CCSER1: variants seen among roughly 807,000 people sequenced by gnomAD.
CCSER1 encodes the protein serine-rich coiled-coil domain-containing protein 1.
Under a neutral mutation model 82.0 loss-of-function variants are expected in CCSER1, and 41 were observed. That is an observed-to-expected ratio of 0.50 (90% CI 0.39 to 0.65). The LOEUF is 0.65. Among genes scored for constraint, CCSER1 ranks in the 30% least tolerant of loss-of-function variants. The probability of loss-of-function intolerance (pLI) is 0.00; values close to 1 mark genes in which losing one functional copy is unlikely to be tolerated. For missense variants in CCSER1, 1,119 were observed against 1,064.2 expected (o/e 1.05, Z -0.72); for synonymous variants, 414 against 383.9 (o/e 1.08, Z -0.92).
chr4:90,471,466 T>G (rs1183820082), intron 5 of CCSER1, among the ~76,000 whole-genome samples: 2 of 152,148 alleles, frequency 1.3e-5, no homozygotes, highest in African/African-American at 4.8e-5. Context: ...TAAAGCTTCT[T>G]AACCTTAGTT....
At chr4:91,144,272 T>C (rs937921579) in intron 10 of CCSER1, among the ~76,000 whole-genome samples, 6 of 152,050 alleles carry the variant, frequency 3.9e-5, no homozygotes, top group African/African-American at 1.4e-4. Context: ...TAATGGTCTC[T>C]GAGGATCTTT....
At chr4:91,336,658 A>G (rs999469154) in intron 10 of CCSER1, among the ~76,000 whole-genome samples, 1 of 152,116 alleles carries the variant, frequency 6.6e-6, no homozygotes, top group Non-Finnish European at 1.5e-5. Context: ...ACAGTCTTTC[A>G]GTAGTAATTG....
chr4:91,110,535 C>G (rs146362997), intron 10 of CCSER1, among the ~76,000 whole-genome samples: 2 of 152,082 alleles, frequency 1.3e-5, no homozygotes, highest in East Asian at 3.9e-4. Flanking sequence ...GGCCTATTCA[C>G]GGAGAAACTT....
chr4:90,468,408 T>C, intron 5 of CCSER1, 54 bp downstream of exon 5: 1 of 1,474,724 alleles, frequency 6.8e-7, no homozygotes, highest in Non-Finnish European at 9.2e-7. Flanking sequence ...AGATAACTGA[T>C]AAGAAAATGT....
intron 10 of CCSER1, among the ~76,000 whole-genome samples, chr4:91,297,365 TTGTGTGTGTGTGTGTGTGTATGTG>T (rs1228894506): frequency 1.9e-4 from 25 of 128,916 alleles, no homozygotes; most frequent in African/African-American, 6.0e-4. Context: ...GAATGGATGC[TTGTGTGTGTGTGTGTGTGTATGTG>T]TGTGTGTGTG....
chr4:91,431,526 G>A (rs1754317732), intron 10 of CCSER1, among the ~76,000 whole-genome samples: 1 of 152,054 alleles, frequency 6.6e-6, no homozygotes, highest in Non-Finnish European at 1.5e-5. Context: ...GGAGTGCAAT[G>A]GTGCGATCTT....
chr4:90,504,729 G>A (rs1770432668), intron 5 of CCSER1, among the ~76,000 whole-genome samples: 2 of 152,230 alleles, frequency 1.3e-5, no homozygotes, highest in Admixed American at 1.3e-4. Context: ...TAAATTTGTA[G>A]AAATGCTATT....
chr4:90,961,037 C>G lies in CCSER1; in HGVS notation c.2172+37590C>G, dbSNP rs1384686098. Among the ~76,000 whole-genome samples the G allele has an allele frequency of 2.0e-5, 3 of 152,152 alleles. 1 individual carries two copies. Among genetic ancestry groups the G allele is most frequent in the African/African-American group, 7.2e-5 (3 of 41,448 alleles). Reference sequence around the variant, plus strand: ...TATCTTGCATTTACAGCTGTGCTTTCATTCCCAGCCACTAGAGCACCAGAA... The same window carrying G: ...TATCTTGCATTTACAGCTGTGCTTTGATTCCCAGCCACTAGAGCACCAGAA... On this transcript the variant is annotated intron_variant, in intron 9 of 10. Transcript: ENST00000509176.
At chr4:90,263,478 C>A (rs1724699283) in intron 1 of CCSER1, among the ~76,000 whole-genome samples, 1 of 152,142 alleles carries the variant, frequency 6.6e-6, no homozygotes, top group South Asian at 2.1e-4. Context: ...TTTTCAAATG[C>A]TGGTTATAAT....
At chr4:90,153,366 A>G (rs1578210660) in intron 1 of CCSER1, among the ~76,000 whole-genome samples, 1 of 152,260 alleles carries the variant, frequency 6.6e-6, no homozygotes, top group East Asian at 1.9e-4. Flanking sequence ...GTGTCTTTAT[A>G]GCAGCATGAT....
chr4:90,185,567 G>A (rs1404849592), intron 1 of CCSER1, among the ~76,000 whole-genome samples: 1 of 151,978 alleles, frequency 6.6e-6, no homozygotes, highest in African/African-American at 2.4e-5. Flanking sequence ...TGATAATAAA[G>A]TAATAAGGAG....
chr4:90,623,418 C>T (rs540243259), intron 5 of CCSER1, among the ~76,000 whole-genome samples: 1 of 152,112 alleles, frequency 6.6e-6, no homozygotes, highest in Non-Finnish European at 1.5e-5. Flanking sequence ...CATTTCAGCG[C>T]CTGAATGAAG....
intron 8 of CCSER1, among the ~76,000 whole-genome samples, chr4:90,855,678 A>C (rs1764381747): frequency 1.3e-5 from 2 of 152,106 alleles, no homozygotes; most frequent in Admixed American, 1.3e-4. Flanking sequence ...GAGATAAGTG[A>C]TATTTATTAA....
intron 1 of CCSER1, among the ~76,000 whole-genome samples, chr4:90,254,096 GT>G (rs1448356939): frequency 6.6e-6 from 1 of 152,136 alleles, no homozygotes; most frequent in African/African-American, 2.4e-5. Flanking sequence ...CTTGCTTACT[GT>G]TATATTTCTT....
intron 1 of CCSER1, among the ~76,000 whole-genome samples, chr4:90,168,110 A>G (rs971930282): frequency 3.3e-5 from 5 of 152,082 alleles, no homozygotes; most frequent in African/African-American, 7.2e-5. Flanking sequence ...AAGTGTTCCT[A>G]TTTCTCCATA....
intron 1 of CCSER1, among the ~76,000 whole-genome samples, chr4:90,301,151 T>A (rs1373524832): frequency 6.6e-6 from 1 of 152,138 alleles, no homozygotes; most frequent in Non-Finnish European, 1.5e-5. Flanking sequence ...TTTTAAAATG[T>A]CTTAATTATG....
At chr4:90,438,786 A>ATCTATCTG (rs1266534855) in intron 4 of CCSER1, among the ~76,000 whole-genome samples, 2 of 151,990 alleles carry the variant, frequency 1.3e-5, no homozygotes, top group Non-Finnish European at 2.9e-5. Flanking sequence ...CTATCTATCT[A>ATCTATCTG]TCTATCTATC....
intron 3 of CCSER1, among the ~76,000 whole-genome samples, chr4:90,399,104 T>C (rs1428363563): frequency 6.6e-6 from 1 of 152,160 alleles, no homozygotes; most frequent in Non-Finnish European, 1.5e-5. Flanking sequence ...GTACATTTGT[T>C]ATTTCATTGT....
chr4:91,565,319 G>C (rs952393358), intron 10 of CCSER1, among the ~76,000 whole-genome samples: 2 of 152,024 alleles, frequency 1.3e-5, no homozygotes, highest in African/African-American at 4.8e-5. Flanking sequence ...AGTGTAGTTT[G>C]AAGTCAGGTA....
Sources: allele counts gnomAD v4.1 joint callset (sites outside exome capture counted in the v4.1 genomes callset), GRCh38; gene constraint gnomAD v4.1.1; transcripts MANE v1.5; gene names NCBI Gene and HGNC (gene_info 2026-07-23, HGNC 2026-07-21).